Variants in MOGAT1 observed in about 807,000 individuals in gnomAD.
MOGAT1 encodes the protein monoacylglycerol O-acyltransferase 1.
A neutral mutation model predicts 31.4 loss-of-function variants in MOGAT1; 32 were observed. The ratio of observed to expected loss-of-function variants is 1.02; its 90% CI spans 0.77 to 1.37. MOGAT1 has a LOEUF of 1.37. MOGAT1 is among the 40% of genes most tolerant of loss of function. The pLI, the probability that MOGAT1 is intolerant of heterozygous loss-of-function variation, is 0.00. For missense variants in MOGAT1, 426 were observed against 402.0 expected, an observed-to-expected ratio of 1.06 and a Z score of -0.51; for synonymous variants, 145 against 144.5, an observed-to-expected ratio of 1.00 and a Z score of -0.03.
chr2:222,675,393 C>G (rs1692480226), intron 1 of MOGAT1, among the ~76,000 whole-genome samples: 1 of 152,214 alleles, frequency 6.6e-6, no homozygotes, highest in African/African-American at 2.4e-5. Flanking sequence ...GACTGGCATG[C>G]TGCAATCTTT....
Position 222,694,454 on chromosome 2 carries a change from G to C in MOGAT1, c.571G>C (p.Glu191Gln). Residue 191 changes from glutamate to glutamine, a missense_variant, in exon 4 of 6, where the codon GAA becomes CAA. Glu to Gln is a conservative substitution (Grantham distance 29). Transcript: ENST00000446656. ...ISVIVLGGAK[E>Q]SLDAHPGKFT... Reference sequence around the variant, plus strand: ...TGTCATTGTCCTTGGGGGTGCAAAAGAATCACTGGATGCTCATCCTGGAAA... The same window carrying C: ...TGTCATTGTCCTTGGGGGTGCAAAACAATCACTGGATGCTCATCCTGGAAA... 1 of 1,613,940 alleles carries C rather than the reference G, an allele frequency of 6.2e-7. No individual in the cohort carries two copies. The highest frequency in any genetic ancestry group is 8.5e-7 in the Non-Finnish European group (1 of 1,179,848).
chr2:222,700,633 C>G (rs934172226), intron 5 of MOGAT1, among the ~76,000 whole-genome samples: 1 of 152,244 alleles, frequency 6.6e-6, no homozygotes, highest in Non-Finnish European at 1.5e-5. Flanking sequence ...TGTAGAGCAT[C>G]TCGATTTGTG....
In MOGAT1 at chr2:222,701,542, A is replaced by G. The variant is rs1471279381; in HGVS notation, c.853+6254A>G. On this transcript the variant is annotated intron_variant, in intron 5 of 5. Transcript: ENST00000446656. Reference sequence around the variant, plus strand: ...AGGGAAAAGAAAGAAAGAGAAAGAAAAAAGAAAAAAGAAAGAAAGAGAAAG... The same window carrying G: ...AGGGAAAAGAAAGAAAGAGAAAGAAGAAAGAAAAAAGAAAGAAAGAGAAAG... Among the ~76,000 whole-genome samples, 112 of 99,958 alleles carry G rather than the reference A, an allele frequency of 1.1e-3. 1 individual carries two copies. The highest frequency in any genetic ancestry group is 4.9e-3 in the African/African-American group (100 of 20,342). 65.6% of individuals were successfully genotyped at this position (99,958 alleles called of 152,430 possible).
chr2:222,678,480 A>C (rs1692530007), intron 1 of MOGAT1, among the ~76,000 whole-genome samples: 1 of 152,196 alleles, frequency 6.6e-6, no homozygotes, highest in East Asian at 1.9e-4. Flanking sequence ...TTCTAGATAT[A>C]AAGTCATTTA....
intron 5 of MOGAT1, among the ~76,000 whole-genome samples, chr2:222,701,975 G>A (rs1048484757): frequency 7.9e-5 from 12 of 152,202 alleles, no homozygotes; most frequent in African/African-American, 2.9e-4. Context: ...GGGATTAAAT[G>A]TCATGATACA....
intron 1 of MOGAT1, among the ~76,000 whole-genome samples, chr2:222,687,960 T>G (rs899770750): frequency 6.6e-6 from 1 of 152,218 alleles, no homozygotes; most frequent in Admixed American, 6.5e-5. Context: ...TTATATGCTG[T>G]GTGGCTTGGG....
chr2:222,687,575 C>G (rs893595097), intron 1 of MOGAT1, among the ~76,000 whole-genome samples: 3 of 152,206 alleles, frequency 2.0e-5, no homozygotes, highest in African/African-American at 7.2e-5. Context: ...GTCACTACAA[C>G]CCAAGTCAAG....
At chr2:222,686,154 C>T (rs576948059) in intron 1 of MOGAT1, among the ~76,000 whole-genome samples, 76 of 152,272 alleles carry the variant, frequency 5.0e-4, no homozygotes, top group Non-Finnish European at 9.4e-4. Context: ...TGCTTAAGCA[C>T]CTGTAATAAG....
chr2:222,673,407 C>T (rs1384092940), intron 1 of MOGAT1, among the ~76,000 whole-genome samples: 4 of 150,104 alleles, frequency 2.7e-5, no homozygotes, highest in African/African-American at 9.8e-5. Flanking sequence ...CAGGGTTGCT[C>T]TGGATCAAAG....
intron 5 of MOGAT1, among the ~76,000 whole-genome samples, chr2:222,695,829 T>C (rs1692829186): frequency 1.3e-5 from 2 of 152,176 alleles, no homozygotes; most frequent in Admixed American, 6.5e-5. Context: ...ATAAATTCTT[T>C]AGTTGTGATT....
At chr2:222,673,877 T>C (rs1393371353) in intron 1 of MOGAT1, among the ~76,000 whole-genome samples, 1 of 152,178 alleles carries the variant, frequency 6.6e-6, no homozygotes, top group Non-Finnish European at 1.5e-5. Context: ...CCATGGAAGA[T>C]ATACACGAAT....
intron 1 of MOGAT1, among the ~76,000 whole-genome samples, chr2:222,672,570 T>G (rs1188263515): frequency 2.6e-5 from 4 of 152,138 alleles, no homozygotes; most frequent in Non-Finnish European, 5.9e-5. Context: ...TTGTTTTTTG[T>G]TTTTTCCTTC....
chr2:222,704,122 T>C (rs1208425768), intron 5 of MOGAT1, among the ~76,000 whole-genome samples: 3 of 152,204 alleles, frequency 2.0e-5, no homozygotes, highest in Non-Finnish European at 4.4e-5. Flanking sequence ...CAAGTAGGCG[T>C]TGGCAGCTTT....
intron 1 of MOGAT1, among the ~76,000 whole-genome samples, chr2:222,680,040 T>C (rs1475383979): frequency 1.3e-5 from 2 of 152,248 alleles, no homozygotes; most frequent in East Asian, 3.8e-4. Flanking sequence ...CTCCTTCTAT[T>C]TTGCAGAATG....
intron 1 of MOGAT1, among the ~76,000 whole-genome samples, chr2:222,677,244 T>C (rs995110863): frequency 1.7e-4 from 26 of 152,348 alleles, no homozygotes; most frequent in Middle Eastern, 3.4e-3. Context: ...TCTTTACATA[T>C]TTACAAGGTA....
chr2:222,679,717 T>C (rs1254445701), intron 1 of MOGAT1, among the ~76,000 whole-genome samples: 1 of 152,244 alleles, frequency 6.6e-6, no homozygotes, highest in Non-Finnish European at 1.5e-5. Context: ...GAGCAGTCAT[T>C]GTTTTGGACT....
At chr2:222,682,551 T>G (rs751406239) in intron 1 of MOGAT1, among the ~76,000 whole-genome samples, 1 of 152,188 alleles carries the variant, frequency 6.6e-6, no homozygotes, top group Non-Finnish European at 1.5e-5. Flanking sequence ...TGTCCCTTTA[T>G]TGGTGGTGCT....
chr2:222,695,278 C>T lies in MOGAT1; in HGVS notation c.843C>T (p.Ile281=). Reference sequence around the variant, plus strand: ...GCCTAATGACCTATAGGAAAGCCATCCACACTGTTGGTATGTACATAAAAT... The same window carrying T: ...GCCTAATGACCTATAGGAAAGCCATTCACACTGTTGGTATGTACATAAAAT... The part of the protein sequence containing the change: ...NFGLMTYRKA[I]HTVVGRPIPV... The change falls in exon 5 of 6, where the codon ATC becomes ATT. Residue 281 remains isoleucine (I), a synonymous_variant. Transcript: ENST00000446656. The T allele has an allele frequency of 1.2e-6, 2 of 1,607,930 alleles. No homozygotes were observed. Among genetic ancestry groups the T allele is most frequent in the South Asian group, 1.1e-5 (1 of 90,446 alleles).
chr2:222,700,717 C>T (rs1235445819), intron 5 of MOGAT1, among the ~76,000 whole-genome samples: 1 of 152,156 alleles, frequency 6.6e-6, no homozygotes, highest in African/African-American at 2.4e-5. Context: ...AGAACATTTA[C>T]AATTCCATAA....
Sources: gnomAD v4.1 joint callset for allele counts (sites outside exome capture counted in the v4.1 genomes callset) on GRCh38, gnomAD v4.1.1 for gene constraint, MANE v1.5 for transcripts, NCBI Gene and HGNC (gene_info 2026-07-23, HGNC 2026-07-21) for gene names.